Variants in SRFBP1 observed in about 807,000 individuals in gnomAD.
SRFBP1 encodes serum response factor binding protein 1.
A neutral mutation model predicts 45.5 loss-of-function variants in SRFBP1; 47 were observed. The ratio of observed to expected loss-of-function variants is 1.03; its 90% CI spans 0.82 to 1.32. The LOEUF is 1.32. Ranked by LOEUF, SRFBP1 falls within the 40% of genes most tolerant of loss-of-function variation. SRFBP1 has a pLI of 0.00. For missense variants in SRFBP1, 621 were observed against 484.6 expected (o/e 1.28, Z -2.64); for synonymous variants, 203 against 166.3 (o/e 1.22, Z -1.70).
intron 1 of SRFBP1, among the ~76,000 whole-genome samples, chr5:121,969,684 G>A (rs1338370943): frequency 6.6e-6 from 1 of 152,092 alleles, no homozygotes; most frequent in Non-Finnish European, 1.5e-5. Flanking sequence ...GGGTATGTAA[G>A]TCTTAATTCT....
At chr5:122,057,431 A>G (rs978646300) in intron 2 of SRFBP1, among the ~76,000 whole-genome samples, 4 of 151,642 alleles carry the variant, frequency 2.6e-5, no homozygotes, top group Non-Finnish European at 5.9e-5. Flanking sequence ...ATGAAAAAAC[A>G]TATATGCCAT....
At chr5:122,010,655 A>G (rs904263419) in intron 4 of SRFBP1, among the ~76,000 whole-genome samples, 7 of 152,140 alleles carry the variant, frequency 4.6e-5, no homozygotes, top group African/African-American at 1.7e-4. Flanking sequence ...CTTCCCTCAC[A>G]GTAATGTTCA....
rs536101126 is a variant in SRFBP1 at position 121,975,220 on chromosome 5, C to T, written c.126-95C>T. 6.4e-4 allele frequency: 789 copies of T among 1,226,168 alleles called. 4 individuals are homozygous for T. Among genetic ancestry groups the T allele is most frequent in the African/African-American group, 1.6e-3 (104 of 65,680 alleles). 76.0% of individuals were successfully genotyped at this position (1,226,168 alleles called of 1,614,324 possible). A position where few individuals can be genotyped will look rare whatever the true frequency, so the allele number is the denominator to read the frequency against. ...GTGTTTGTTATTTAGAGATTTATTA[C>T]GCTTTTCTAAAAAGAAATGAAGTGA... On this transcript the variant is annotated intron_variant, in intron 2 of 7. Transcript: ENST00000339397.
rs1554087692 is a variant in SRFBP1 at position 122,027,102 on chromosome 5, G to T, written c.1266G>T (p.Gly422=). The change falls in exon 8 of 8, where the codon GGG becomes GGT. Residue 422 remains glycine (G), a synonymous_variant. Coordinates refer to ENST00000339397, the MANE Select transcript of SRFBP1 (RefSeq NM_152546.3). ...AATCTAATATTGCTGTGTTTCAGGGGAAAAAAATTACGTTTGATGATTGAT... is the reference window on the plus strand; with the variant it reads ...AATCTAATATTGCTGTGTTTCAGGGTAAAAAAATTACGTTTGATGATTGAT... ...EQQSNIAVFQ[G]KKITFDD 7 of 1,599,888 alleles carry T rather than the reference G, an allele frequency of 4.4e-6. No homozygotes were observed. The highest frequency in any genetic ancestry group is 6.0e-6 in the Non-Finnish European group (7 of 1,175,456).
intron 2 of SRFBP1, among the ~76,000 whole-genome samples, chr5:122,045,172 T>G (rs1297885390): frequency 6.6e-6 from 1 of 152,106 alleles, no homozygotes; most frequent in Non-Finnish European, 1.5e-5. Flanking sequence ...GGTTGTACAT[T>G]TGTGGCACTA....
At chr5:122,009,581 GA>G (rs1753047370) in intron 4 of SRFBP1, among the ~76,000 whole-genome samples, 1 of 152,192 alleles carries the variant, frequency 6.6e-6, no homozygotes, top group East Asian at 1.9e-4. Flanking sequence ...CAGATGAGTA[GA>G]AGGATAGATT....
Position 122,049,428 on chromosome 5 carries a change from G to A in SRFBP1, n.312-25887G>A, listed in dbSNP as rs150258451. Among the ~76,000 whole-genome samples, 1,049 of 152,142 alleles carry A rather than the reference G, an allele frequency of 6.9e-3. 11 individuals carry two copies. The highest frequency in any genetic ancestry group is 0.023 in the African/African-American group (966 of 41,482). ...TTAGACTCCCACACAATAATAATAGGAGACTTTAACACCCCACTGTCAACA... is the reference window on the plus strand; with the variant it reads ...TTAGACTCCCACACAATAATAATAGAAGACTTTAACACCCCACTGTCAACA... On this transcript the variant is annotated intron_variant and non_coding_transcript_variant, in intron 2 of 2. Transcript: ENST00000504881.
intron 2 of SRFBP1, among the ~76,000 whole-genome samples, chr5:121,975,081 A>G (rs997611993): frequency 4.6e-5 from 7 of 151,974 alleles, no homozygotes; most frequent in African/African-American, 1.4e-4. Flanking sequence ...AGTAATAGTC[A>G]TTAATACAAT....
chr5:122,075,398 A>C, exon 3 of SRFBP1: 1 of 1,600,458 alleles, frequency 6.2e-7, no homozygotes, highest in Non-Finnish European at 8.5e-7. Context: ...AGGCCCATTT[A>C]CTTACTGATG....
At position 122,048,219 on chromosome 5, in the gene SRFBP1, T is replaced by C. The variant is rs141468962; in HGVS notation, n.311+25812T>C. Among the ~76,000 whole-genome samples, 785 of 152,174 alleles carry C rather than the reference T, an allele frequency of 5.2e-3. 20 individuals carry two copies. The East Asian group carries it at 0.053, about 10-fold the overall frequency. On this transcript the variant is annotated intron_variant and non_coding_transcript_variant, in intron 2 of 2. Coordinates refer to the SRFBP1 transcript ENST00000504881. Reference sequence around the variant, plus strand: ...GCTCTTATTATTTTGAGATACATCCTATCAATACCTAATTTATTGAGAGTT... The same window carrying C: ...GCTCTTATTATTTTGAGATACATCCCATCAATACCTAATTTATTGAGAGTT...
chr5:121,988,405 G>A (rs1040326440), intron 3 of SRFBP1, among the ~76,000 whole-genome samples: 4 of 152,138 alleles, frequency 2.6e-5, no homozygotes, highest in African/African-American at 9.7e-5. Flanking sequence ...CTCACAAAAA[G>A]TTTATTACTC....
At chr5:122,077,245 G>T, downstream of SRFBP1, 1 of 1,529,376 alleles carries the variant, frequency 6.5e-7, no homozygotes, top group Non-Finnish European at 8.8e-7. This position sits in a 1 kb window ranked among gnomAD's most constrained non-coding sequence, Gnocchi z 4.9. Flanking sequence ...GTGGGGGAGG[G>T]ATCGGATCTG....
intron 2 of SRFBP1, among the ~76,000 whole-genome samples, chr5:122,072,002 T>C (rs1754465611): frequency 6.6e-6 from 1 of 152,190 alleles, no homozygotes; most frequent in African/African-American, 2.4e-5. Context: ...GTATGTTGAG[T>C]AGTAAATATA....
At chr5:122,070,733 A>G (rs1426216667) in intron 2 of SRFBP1, 2 of 531,430 alleles carry the variant, frequency 3.8e-6, no homozygotes, top group African/African-American at 1.9e-5. Flanking sequence ...ATCTCCCTTG[A>G]GAAGTATTTA....
intron 2 of SRFBP1, among the ~76,000 whole-genome samples, chr5:122,048,237 T>G (rs1280263154): frequency 1.3e-5 from 2 of 152,216 alleles, no homozygotes; most frequent in Admixed American, 1.3e-4. Flanking sequence ...CCTAATTTAT[T>G]GAGAGTTTTT....
At chr5:121,969,345 A>C (rs148578874) in intron 1 of SRFBP1, among the ~76,000 whole-genome samples, 2 of 152,094 alleles carry the variant, frequency 1.3e-5, no homozygotes, top group African/African-American at 4.8e-5. Context: ...GCTGTGATGC[A>C]TCTGTTCCCA....
chr5:122,037,268 CACAA>C (rs773905811), intron 2 of SRFBP1, among the ~76,000 whole-genome samples: 122 of 152,302 alleles, frequency 8.0e-4, no homozygotes, highest in Middle Eastern at 6.8e-3. Context: ...GGGAAACTGA[CACAA>C]ACATCATGCT....
chr5:121,974,313 A>T (rs753271411), intron 2 of SRFBP1, 29 bp downstream of exon 2: 1 of 1,505,262 alleles, frequency 6.6e-7, no homozygotes, highest in East Asian at 2.3e-5. Flanking sequence ...TGATCTTGTG[A>T]CTAATAAAAT....
chr5:122,052,808 A>G (rs1205164228), intron 2 of SRFBP1, among the ~76,000 whole-genome samples: 2 of 152,174 alleles, frequency 1.3e-5, no homozygotes, highest in Admixed American at 6.5e-5. Flanking sequence ...AGTCATTTGG[A>G]GGAAAGAGGC....
Sources: gnomAD v4.1 joint callset for allele counts (sites outside exome capture counted in the v4.1 genomes callset) on GRCh38, gnomAD v4.1.1 for gene constraint, Gnocchi (gnomAD v3.1) non-coding constraint, MANE v1.5 for transcripts, NCBI Gene and HGNC (gene_info 2026-07-23, HGNC 2026-07-21) for gene names.